MAGI2: variants seen among roughly 807,000 people sequenced by gnomAD.
MAGI2 encodes membrane-associated guanylate kinase, WW and PDZ domain-containing protein 2.
Under a neutral mutation model 133.3 loss-of-function variants are expected in MAGI2, and 35 were observed. The ratio of observed to expected loss-of-function variants is 0.26; its 90% CI spans 0.20 to 0.35. The LOEUF is 0.35. Among genes scored for constraint, MAGI2 ranks in the 10% least tolerant of loss-of-function variants. The pLI is 1.00. For synonymous variants in MAGI2, 729 were observed against 710.6 expected (o/e 1.03, Z -0.41); for missense variants, 1,636 against 1,863.4 (o/e 0.88, Z 2.25).
intron 21 of MAGI2, among the ~76,000 whole-genome samples, chr7:78,045,541 G>A (rs191125213): frequency 2.1e-4 from 31 of 147,782 alleles, no homozygotes; most frequent in East Asian, 5.9e-4. Context: ...CATACTGAGC[G>A]ATATAAAGAT....
chr7:78,637,650 A>T (rs1261566707), intron 2 of MAGI2, among the ~76,000 whole-genome samples: 1 of 152,212 alleles, frequency 6.6e-6, no homozygotes, highest in Non-Finnish European at 1.5e-5. Context: ...GTGATAGGTA[A>T]CATACACTTT....
chr7:78,408,811 G>A (rs1212172533), intron 6 of MAGI2, among the ~76,000 whole-genome samples: 1 of 152,036 alleles, frequency 6.6e-6, no homozygotes, highest in East Asian at 1.9e-4. Flanking sequence ...TAAATTAGAT[G>A]TATTATTAAA....
In MAGI2 at chr7:78,835,698, G is replaced by T. The variant is rs541334594; in HGVS notation, c.418+171392C>A. On this transcript the variant is annotated intron_variant, in intron 2 of 21. Coordinates refer to ENST00000354212, the MANE Select transcript of MAGI2 (RefSeq NM_012301.4). ...TGTATCATTCCTCACTCCCAGGAAG[G>T]AGACGTTAGCATAAGCCAGAAAGGA... Among the ~76,000 whole-genome samples, 4 of 152,312 alleles carry T rather than the reference G, an allele frequency of 2.6e-5. No homozygotes were observed. In the South Asian group the frequency reaches 8.3e-4, roughly 32 times the overall value.
intron 2 of MAGI2, among the ~76,000 whole-genome samples, chr7:78,660,768 A>C (rs1003333181): frequency 2.0e-5 from 3 of 151,956 alleles, no homozygotes; most frequent in East Asian, 1.9e-4. Flanking sequence ...CCTAATTTCC[A>C]CCTCCCCACT....
intron 2 of MAGI2, among the ~76,000 whole-genome samples, chr7:78,761,852 A>G (rs887866428): frequency 6.6e-6 from 1 of 152,052 alleles, no homozygotes; most frequent in African/African-American, 2.4e-5. Flanking sequence ...CCACATGCAC[A>G]GAACAGTGAA....
chr7:78,066,127 T>C (rs1225549021), intron 21 of MAGI2, among the ~76,000 whole-genome samples: 1 of 152,144 alleles, frequency 6.6e-6, no homozygotes, highest in African/African-American at 2.4e-5. Context: ...ATCTCATAAA[T>C]TCATAGAGTT....
intron 15 of MAGI2, among the ~76,000 whole-genome samples, chr7:78,165,999 G>A (rs1461526174): frequency 6.6e-6 from 1 of 152,128 alleles, no homozygotes; most frequent in Non-Finnish European, 1.5e-5. Flanking sequence ...AATAAACTTG[G>A]AAACTCTCCT....
At chr7:78,466,367 G>C (rs1790635218) in intron 6 of MAGI2, among the ~76,000 whole-genome samples, 1 of 152,210 alleles carries the variant, frequency 6.6e-6, no homozygotes, top group Non-Finnish European at 1.5e-5. Flanking sequence ...TTGGGCACAG[G>C]TGTGAACACA....
chr7:79,442,487 T>TGTGTGTGTGTG, intron 1 of MAGI2, among the ~76,000 whole-genome samples: 1 of 150,732 alleles, frequency 6.6e-6, no homozygotes, highest in Non-Finnish European at 1.5e-5. Flanking sequence ...TGTGTGTGTG[T>TGTGTGTGTGTG]TCCATGTATC....
chr7:78,841,713 C>T (rs1329676491), intron 2 of MAGI2, among the ~76,000 whole-genome samples: 1 of 152,004 alleles, frequency 6.6e-6, no homozygotes, highest in Admixed American at 6.6e-5. Flanking sequence ...TCTGCATATT[C>T]ACAAAGGTGA....
intron 6 of MAGI2, among the ~76,000 whole-genome samples, chr7:78,472,122 A>T (rs1039715332): frequency 6.6e-6 from 1 of 152,110 alleles, no homozygotes; most frequent in African/African-American, 2.4e-5. Context: ...AAGTGTTTAC[A>T]TAAACTAGGT....
intron 2 of MAGI2, among the ~76,000 whole-genome samples, chr7:78,914,954 GA>G (rs1798679619): frequency 6.6e-6 from 1 of 152,012 alleles, no homozygotes; most frequent in Non-Finnish European, 1.5e-5. Context: ...ATAGCGGGTA[GA>G]AAATACAGAA....
intron 2 of MAGI2, among the ~76,000 whole-genome samples, chr7:78,712,265 T>C (rs931855766): frequency 6.6e-6 from 1 of 152,184 alleles, no homozygotes; most frequent in Non-Finnish European, 1.5e-5. Context: ...GATGACTAGA[T>C]AAAGTTTGTT....
intron 1 of MAGI2, chr7:79,353,898 C>A: frequency 5.8e-6 from 1 of 173,200 alleles, no homozygotes; most frequent in Non-Finnish European, 1.2e-5. Flanking sequence ...GGGCACAGCC[C>A]TGCTGGGTGC....
chr7:78,508,041 G>A (rs192081450), intron 4 of MAGI2, among the ~76,000 whole-genome samples: 6 of 152,258 alleles, frequency 3.9e-5, no homozygotes, highest in Non-Finnish European at 5.9e-5. Context: ...TTAGGTTCTG[G>A]TAGCTTTTTG....
At chr7:79,386,835 A>G (rs1323071957) in intron 1 of MAGI2, among the ~76,000 whole-genome samples, 2 of 151,934 alleles carry the variant, frequency 1.3e-5, no homozygotes, top group African/African-American at 4.8e-5. Context: ...CAGTGACCTT[A>G]TATGAGAGGT....
chr7:79,056,767 T>C (rs972316337), intron 1 of MAGI2, among the ~76,000 whole-genome samples: 1 of 152,218 alleles, frequency 6.6e-6, no homozygotes, highest in Non-Finnish European at 1.5e-5. Flanking sequence ...ACAGTATTCA[T>C]TAGTGTTTAT....
chr7:78,724,239 T>A (rs963001515), intron 2 of MAGI2, among the ~76,000 whole-genome samples: 1 of 152,132 alleles, frequency 6.6e-6, no homozygotes, highest in Non-Finnish European at 1.5e-5. Flanking sequence ...CCTGGGGACA[T>A]CTCTTTCCCT....
chr7:78,369,266 A>G, intron 6 of MAGI2, 53 bp from the exon 7 acceptor site: 2 of 1,241,898 alleles, frequency 1.6e-6, no homozygotes, highest in South Asian at 1.3e-5. Flanking sequence ...ATTTCTAATA[A>G]AAAGTAATAT....
Sources: allele counts gnomAD v4.1 joint callset (sites outside exome capture counted in the v4.1 genomes callset), GRCh38; gene constraint gnomAD v4.1.1; transcripts MANE v1.5; gene names NCBI Gene and HGNC (gene_info 2026-07-23, HGNC 2026-07-21).